RPRD2: variants seen among roughly 807,000 people sequenced by gnomAD.
RPRD2 encodes the protein regulation of nuclear pre-mRNA domain containing 2, also known as regulation of nuclear pre-mRNA domain-containing protein 2.
A neutral mutation model predicts 104.4 loss-of-function variants in RPRD2; 12 were observed. The observed-to-expected ratio is 0.11, with a 90% CI of 0.07 to 0.19. RPRD2 has a LOEUF of 0.19. RPRD2 is among the 10% of genes least tolerant of loss of function. The pLI, the probability that RPRD2 is intolerant of heterozygous loss-of-function variation, is 1.00. For synonymous variants in RPRD2, 714 were observed against 684.9 expected (o/e 1.04, Z -0.66); for missense variants, 1,543 against 1,790.1 (o/e 0.86, Z 2.49).
chr1:150,458,069 G>A (rs1667660464), intron 8 of RPRD2, among the ~76,000 whole-genome samples: 1 of 151,882 alleles, frequency 6.6e-6, no homozygotes, highest in Admixed American at 6.6e-5. Context: ...ACTCCGTCTT[G>A]GGGGGACGGT....
In RPRD2 at chr1:150,364,568, A is replaced by G; in HGVS notation, c.-147A>G. The stretch of plus-strand genomic sequence containing the variant: ...TGGTGTTCCCGTCCGTACCTCCAGA[A>G]GAGCCCAGCGCGTGCACCATCCCCA... On this transcript the variant is annotated 5_prime_UTR_variant, in exon 1 of 11. Coordinates refer to ENST00000369068, the MANE Select transcript of RPRD2 (RefSeq NM_015203.5). The G allele has an allele frequency of 3.4e-6, 2 of 588,892 alleles. No individual in the cohort carries two copies. Among genetic ancestry groups the G allele is most frequent in the Non-Finnish European group, 5.9e-6 (2 of 336,206 alleles). 36.5% of individuals were successfully genotyped at this position (588,892 alleles called of 1,614,324 possible).
chr1:150,408,264 A>G (rs1663644173), intron 1 of RPRD2, among the ~76,000 whole-genome samples: 1 of 141,902 alleles, frequency 7.0e-6, no homozygotes, highest in South Asian at 2.1e-4. Flanking sequence ...TCCCAGGTTC[A>G]AGCGATTCTC....
chr1:150,383,284 G>C (rs1263498614), intron 1 of RPRD2, among the ~76,000 whole-genome samples: 2 of 148,804 alleles, frequency 1.3e-5, no homozygotes, highest in African/African-American at 5.0e-5. Flanking sequence ...TGTGAGCCAC[G>C]AGACCTGGCC....
In RPRD2 at chr1:150,471,842, C is replaced by G; in HGVS notation, c.2894C>G (p.Ser965Cys). The G allele has an allele frequency of 6.2e-7, 1 of 1,614,000 alleles. No homozygotes were observed. The highest frequency in any genetic ancestry group is 1.7e-5 in the Admixed American group (1 of 60,018). The change falls in exon 11 of 11, where the codon TCT (serine) becomes TGT (cysteine). Residue 965 changes from serine to cysteine, a missense_variant. By Grantham distance (112) the Ser-to-Cys change is moderately radical. Around this residue, in one of 4 missense-constraint regions of RPRD2, gnomAD observed 880 missense variants for 885.6 expected, o/e 0.99. Coordinates refer to ENST00000369068, the MANE Select transcript of RPRD2 (RefSeq NM_015203.5). This position sits in a 1 kb window ranked among gnomAD's most constrained non-coding sequence, Gnocchi z 5.3. ...TTGCCACAGAAGCAGTACCCAGACT[C>G]TCCTCACCCAGTCCCACATCGTTCC... ...LSLPQKQYPD[S>C]PHPVPHRSLF...
intron 1 of RPRD2, among the ~76,000 whole-genome samples, chr1:150,381,443 A>G (rs116635776): frequency 1.8e-3 from 270 of 151,958 alleles, no homozygotes; most frequent in African/African-American, 6.2e-3. Flanking sequence ...GTGCTTAATC[A>G]ATGAATCTTC....
At chr1:150,389,156 A>G (rs1379983692) in intron 1 of RPRD2, among the ~76,000 whole-genome samples, 1 of 150,916 alleles carries the variant, frequency 6.6e-6, no homozygotes, top group African/African-American at 2.4e-5. Context: ...CCCACCTCAG[A>G]CTCCCGAGTA....
At chr1:150,365,038 G>C (rs1164513802) in intron 1 of RPRD2, 119 bp downstream of exon 1, 10 of 1,000,172 alleles carry the variant, frequency 1.0e-5, no homozygotes, top group African/African-American at 1.6e-5. Flanking sequence ...TCACATTAAA[G>C]GTTTGACCCC....
At position 150,440,980 on chromosome 1, in the gene RPRD2, T is replaced by C. The variant is rs187992728; in HGVS notation, c.393T>C (p.Asn131=). The C allele has an allele frequency of 1.9e-6, 3 of 1,583,710 alleles. No homozygotes were observed. The Admixed American group carries it at 5.4e-5, about 29-fold the overall frequency. The change falls in exon 3 of 11, where the codon AAT becomes AAC. Residue 131 remains asparagine, a synonymous_variant. Coordinates refer to ENST00000369068, the MANE Select transcript of RPRD2 (RefSeq NM_015203.5). ...TCTTTAAAATCTGGGAAGATAGAAATGTATACCCAGAAGAAATGATTGTGG... is the reference window on the plus strand; with the variant it reads ...TCTTTAAAATCTGGGAAGATAGAAACGTATACCCAGAAGAAATGATTGTGG... ...ERIFKIWEDR[N]VYPEEMIVAL...
At chr1:150,447,042 G>T (rs1553895703) in intron 7 of RPRD2, among the ~76,000 whole-genome samples, 1 of 151,954 alleles carries the variant, frequency 6.6e-6, no homozygotes, top group South Asian at 2.1e-4. Flanking sequence ...CTCCATGTTG[G>T]TCAGGCTGGT....
At chr1:150,383,628 T>C (rs1560154058) in intron 1 of RPRD2, among the ~76,000 whole-genome samples, 2 of 152,194 alleles carry the variant, frequency 1.3e-5, no homozygotes, top group East Asian at 3.9e-4. Flanking sequence ...AAGAAGAGAT[T>C]TTAAAAGGAC....
intron 1 of RPRD2, among the ~76,000 whole-genome samples, chr1:150,377,849 T>C (rs780478444): frequency 6.6e-6 from 1 of 152,066 alleles, no homozygotes; most frequent in Non-Finnish European, 1.5e-5. Flanking sequence ...TTATAAAATA[T>C]AGATGTGTAA....
intron 1 of RPRD2, among the ~76,000 whole-genome samples, chr1:150,371,012 C>G: frequency 6.6e-6 from 1 of 152,134 alleles, no homozygotes; most frequent in South Asian, 2.1e-4. Flanking sequence ...CCTCCTCTCC[C>G]TTAGTACTTT....
At chr1:150,379,243 G>A (rs773838827) in intron 1 of RPRD2, among the ~76,000 whole-genome samples, 18 of 149,862 alleles carry the variant, frequency 1.2e-4, no homozygotes, top group Non-Finnish European at 4.4e-5. Context: ...AGATCACGCC[G>A]TTGCACTCCA....
In RPRD2 at chr1:150,471,545, C is replaced by T. The variant is rs1668588122; in HGVS notation, c.2597C>T (p.Thr866Ile). 2 of 1,613,880 alleles carry T rather than the reference C, an allele frequency of 1.2e-6. No homozygotes were observed. The highest frequency in any genetic ancestry group is 1.7e-6 in the Non-Finnish European group (2 of 1,179,876). ...CTGAAATCAAGCAAGCTGTCTGATA[C>T]CACCGAGTACCAGCCAATTCTGTCC... is the stretch of plus-strand genomic sequence containing the variant. ...SILKSSKLSD[T>I]TEYQPILSSY... The change falls in exon 11 of 11, where the codon ACC (threonine) becomes ATC (isoleucine). Residue 866 changes from threonine (T) to isoleucine (I), a missense_variant. Around this residue, in one of 4 missense-constraint regions of RPRD2, gnomAD observed 880 missense variants for 885.6 expected, o/e 0.99. Transcript: ENST00000369068. The surrounding 1 kb of genome is among the most constrained non-coding windows in gnomAD (Gnocchi z 5.3).
intron 3 of RPRD2, 34 bp from the exon 4 acceptor site, chr1:150,441,847 A>G: frequency 6.5e-7 from 1 of 1,543,554 alleles, no homozygotes; most frequent in Non-Finnish European, 8.9e-7. Context: ...AGCTTCCCAT[A>G]ATGCCAGATT....
intron 1 of RPRD2, among the ~76,000 whole-genome samples, chr1:150,393,360 AG>A (rs1388537656): frequency 2.1e-5 from 3 of 142,168 alleles, no homozygotes; most frequent in Non-Finnish European, 4.5e-5. Context: ...TAGGAGGCTG[AG>A]GTGGATGGAT....
chr1:150,457,791 C>T (rs373222737), intron 8 of RPRD2, among the ~76,000 whole-genome samples: 2 of 152,166 alleles, frequency 1.3e-5, no homozygotes, highest in Non-Finnish European at 2.9e-5. Flanking sequence ...AGCTACTAGG[C>T]CATGGGCGGT....
intron 6 of RPRD2, among the ~76,000 whole-genome samples, chr1:150,445,262 A>G (rs1224570251): frequency 6.6e-6 from 1 of 152,170 alleles, no homozygotes; most frequent in Non-Finnish European, 1.5e-5. Context: ...AAAAATCTCT[A>G]TTTTATCACA....
intron 1 of RPRD2, among the ~76,000 whole-genome samples, chr1:150,381,734 A>G (rs7535275): frequency 0.13 from 19,459 of 151,734 alleles, 1,566 homozygotes; most frequent in African/African-American, 0.2. Context: ...TCGATCTCCT[A>G]ACCTCGTGAT....
Sources: gnomAD v4.1 joint callset for allele counts (sites outside exome capture counted in the v4.1 genomes callset) on GRCh38, gnomAD v4.1.1 for gene constraint, gnomAD v4.1.1 regional missense constraint, Gnocchi (gnomAD v3.1) non-coding constraint, MANE v1.5 for transcripts, NCBI Gene and HGNC (gene_info 2026-07-23, HGNC 2026-07-21) for gene names.